Variants in CLASP2 observed in about 807,000 individuals in gnomAD.
CLASP2 encodes CLIP-associating protein 2.
Under a neutral mutation model 194.4 loss-of-function variants are expected in CLASP2, and 47 were observed. The observed-to-expected ratio is 0.24, with a 90% CI of 0.19 to 0.31. The LOEUF (loss-of-function observed/expected upper bound fraction) is 0.31, where lower values mean the gene tolerates loss of function less well. Ranked by LOEUF, CLASP2 falls within the 10% of genes least tolerant of loss-of-function variation. The pLI is 1.00. For missense variants in CLASP2, 1,445 were observed against 1,823.6 expected, an observed-to-expected ratio of 0.79 and a Z score of 3.78; for synonymous variants, 619 against 633.5, an observed-to-expected ratio of 0.98 and a Z score of 0.34.
chr3:33,604,352 G>A, intron 16 of CLASP2, 143 bp from the exon 17 acceptor site: 1 of 621,504 alleles, frequency 1.6e-6, no homozygotes, highest in Non-Finnish European at 2.8e-6. Flanking sequence ...GAGTCTTGCT[G>A]TGTCACCCAG....
At chr3:33,564,950 GCA>G (rs370949093) in intron 27 of CLASP2, among the ~76,000 whole-genome samples, 14 of 151,062 alleles carry the variant, frequency 9.3e-5, no homozygotes, top group African/African-American at 1.7e-4. Context: ...ATGATCATAT[GCA>G]CACACACACA....
intron 9 of CLASP2, among the ~76,000 whole-genome samples, chr3:33,630,910 G>A (rs2078976562): frequency 6.6e-6 from 1 of 152,104 alleles, no homozygotes; most frequent in Non-Finnish European, 1.5e-5. Flanking sequence ...ATGAAAGCCT[G>A]TAAAACACAA....
intron 35 of CLASP2, among the ~76,000 whole-genome samples, chr3:33,516,671 AAAAT>A (rs34773367): frequency 4.0e-5 from 6 of 151,534 alleles, no homozygotes; most frequent in Admixed American, 6.6e-5. Flanking sequence ...ATTATTCCTC[AAAAT>A]AAATAAATAA....
intron 6 of CLASP2, 95 bp from the exon 7 acceptor site, chr3:33,663,610 T>C (rs2085667612): frequency 1.2e-6 from 1 of 816,906 alleles, no homozygotes; most frequent in Non-Finnish European, 2.0e-6. Flanking sequence ...GAAAAAACAA[T>C]TGTAGGGATT....
At chr3:33,568,696 T>C (rs986172331) in intron 26 of CLASP2, among the ~76,000 whole-genome samples, 1 of 152,066 alleles carries the variant, frequency 6.6e-6, no homozygotes, top group African/African-American at 2.4e-5. Flanking sequence ...AATGGCATAA[T>C]TGAGTAGCTG....
chr3:33,602,036 C>T (rs1157926361), intron 18 of CLASP2, among the ~76,000 whole-genome samples: 19 of 139,556 alleles, frequency 1.4e-4, no homozygotes, highest in Admixed American at 6.6e-4. Context: ...TTTTTTTTGA[C>T]GGAGTCTCAC....
intron 25 of CLASP2, among the ~76,000 whole-genome samples, chr3:33,571,015 ATTTT>A (rs1027731514): frequency 1.6e-5 from 2 of 123,926 alleles, no homozygotes; most frequent in Admixed American, 9.3e-5. Context: ...GTCTCTATAA[ATTTT>A]TTTTTTTTTT....
intron 23 of CLASP2, among the ~76,000 whole-genome samples, chr3:33,578,623 T>A (rs1237882558): frequency 1.3e-5 from 2 of 152,192 alleles, no homozygotes; most frequent in African/African-American, 2.4e-5. Flanking sequence ...GTGACTGGTA[T>A]CATTAGAAAA....
In CLASP2 at chr3:33,498,404, G is replaced by C; in HGVS notation, c.*227C>G. On this transcript the variant is annotated 3_prime_UTR_variant, in exon 39 of 39. Coordinates refer to ENST00000682230, the MANE Select transcript of CLASP2 (RefSeq NM_001365631.1). ...AAAAATTACTTTGTGTCGATCAATT[G>C]ATGTTAATACTGCTTCTTCTTGAAT... 2.5e-6 allele frequency: 1 copy of C among 403,006 alleles called. No individual in the cohort carries two copies. The highest frequency in any genetic ancestry group is 4.4e-6 in the Non-Finnish European group (1 of 226,762). 25.0% of individuals were successfully genotyped at this position (403,006 alleles called of 1,614,324 possible).
chr3:33,665,481 C>T (rs938148818), intron 6 of CLASP2, among the ~76,000 whole-genome samples: 2 of 152,130 alleles, frequency 1.3e-5, no homozygotes, highest in Non-Finnish European at 2.9e-5. Flanking sequence ...ATGATTGCCT[C>T]GCAGCATTAA....
At chr3:33,563,791 C>G (rs973394700) in intron 27 of CLASP2, among the ~76,000 whole-genome samples, 2 of 152,204 alleles carry the variant, frequency 1.3e-5, no homozygotes, top group African/African-American at 2.4e-5. Context: ...AAATCCTTTA[C>G]TGTTCCTTCA....
At chr3:33,590,938 T>C (rs1053570369) in intron 21 of CLASP2, among the ~76,000 whole-genome samples, 6 of 152,222 alleles carry the variant, frequency 3.9e-5, no homozygotes, top group Non-Finnish European at 8.8e-5. Flanking sequence ...CCCAGCATTT[T>C]AGCAGGCAGA....
intron 17 of CLASP2, 35 bp downstream of exon 17, chr3:33,604,119 A>T (rs975363989): frequency 3.4e-6 from 5 of 1,464,176 alleles, no homozygotes; most frequent in Middle Eastern, 1.8e-4. Flanking sequence ...TCAAAGATAA[A>T]ATAGGTTATA....
intron 8 of CLASP2, among the ~76,000 whole-genome samples, chr3:33,639,068 C>CT (rs1046992061): frequency 2.6e-5 from 4 of 151,746 alleles, no homozygotes; most frequent in Non-Finnish European, 5.9e-5. Context: ...CCATATGGTC[C>CT]TTTTTTTTGG....
At chr3:33,563,645 T>G (rs905063881) in intron 27 of CLASP2, among the ~76,000 whole-genome samples, 2 of 152,100 alleles carry the variant, frequency 1.3e-5, no homozygotes, top group African/African-American at 4.8e-5. Flanking sequence ...CATAAACAAA[T>G]AAGCATGGCC....
intron 24 of CLASP2, among the ~76,000 whole-genome samples, chr3:33,574,948 T>C (rs185914606): frequency 2.3e-4 from 35 of 152,218 alleles, no homozygotes; most frequent in Admixed American, 1.2e-3. Context: ...TAAACATTCC[T>C]CATATAATTC....
chr3:33,546,952 G>A (rs188739792), intron 30 of CLASP2, among the ~76,000 whole-genome samples: 15 of 152,234 alleles, frequency 9.9e-5, no homozygotes, highest in Admixed American at 2.6e-4. Flanking sequence ...CTGCCAAATC[G>A]GAGTTCATGA....
At chr3:33,652,876 C>G (rs987744004) in intron 7 of CLASP2, among the ~76,000 whole-genome samples, 5 of 152,186 alleles carry the variant, frequency 3.3e-5, no homozygotes, top group African/African-American at 1.2e-4. Flanking sequence ...CCACAGAGAT[C>G]GTCTACCAAC....
chr3:33,569,197 G>A (rs1324277066), intron 26 of CLASP2, among the ~76,000 whole-genome samples: 1 of 152,160 alleles, frequency 6.6e-6, no homozygotes, highest in Admixed American at 6.5e-5. Context: ...AAACATTTGT[G>A]CTCAGTTAAG....
Sources: gnomAD v4.1 joint callset for allele counts (sites outside exome capture counted in the v4.1 genomes callset) on GRCh38, gnomAD v4.1.1 for gene constraint, MANE v1.5 for transcripts, NCBI Gene and HGNC (gene_info 2026-07-23, HGNC 2026-07-21) for gene names.